Variants in FOXP1 observed in about 807,000 individuals in gnomAD.
FOXP1 encodes forkhead box P1.
In FOXP1, 15 loss-of-function variants were observed where a neutral mutation model predicts 98.2. The ratio of observed to expected loss-of-function variants is 0.15; its 90% confidence interval spans 0.10 to 0.24. The LOEUF (loss-of-function observed/expected upper bound fraction) is 0.24. Ranked by LOEUF, FOXP1 falls within the 10% of genes least tolerant of loss-of-function variation. FOXP1 has a pLI of 1.00. For synonymous variants in FOXP1, 371 were observed against 314.5 expected, an observed-to-expected ratio of 1.18 and a Z score of -1.90; for missense variants, 633 against 848.5, an observed-to-expected ratio of 0.75 and a Z score of 3.15.
intron 6 of FOXP1, among the ~76,000 whole-genome samples, chr3:71,141,600 AC>A (rs1359758711): frequency 6.6e-6 from 1 of 152,176 alleles, no homozygotes; most frequent in Non-Finnish European, 1.5e-5. Flanking sequence ...CCAATTAAAC[AC>A]ATAATTTTTG....
intron 4 of FOXP1, among the ~76,000 whole-genome samples, chr3:71,350,901 A>C (rs2077733245): frequency 1.3e-5 from 2 of 151,910 alleles, no homozygotes; most frequent in Admixed American, 6.6e-5. Flanking sequence ...AAGGCCATCC[A>C]TGCCTTTAGA....
intron 4 of FOXP1, among the ~76,000 whole-genome samples, chr3:71,314,470 G>C (rs2074930485): frequency 6.6e-6 from 1 of 151,718 alleles, no homozygotes; most frequent in Non-Finnish European, 1.5e-5. Context: ...GGAGATTGCA[G>C]TGAGCCGAGA....
intron 1 of FOXP1, chr3:71,582,259 G>C (rs1388145293): frequency 4.1e-6 from 4 of 985,072 alleles, no homozygotes; most frequent in African/African-American, 3.5e-5. Context: ...AGGAATCTAA[G>C]TTTCCGAGCG....
At chr3:71,156,470 G>A (rs2060828535) in intron 6 of FOXP1, among the ~76,000 whole-genome samples, 1 of 151,322 alleles carries the variant, frequency 6.6e-6, no homozygotes, top group Non-Finnish European at 1.5e-5. Flanking sequence ...AGAGGGGAAA[G>A]CCTTTCCAAA....
intron 2 of FOXP1, among the ~76,000 whole-genome samples, chr3:71,565,710 A>C (rs959476849): frequency 3.9e-5 from 6 of 152,246 alleles, no homozygotes; most frequent in Non-Finnish European, 8.8e-5. Flanking sequence ...CCATCTATTT[A>C]GTAAATAAAA....
chr3:71,413,290 A>ACACACATACACC (rs371166757), intron 3 of FOXP1, among the ~76,000 whole-genome samples: 1 of 138,526 alleles, frequency 7.2e-6, no homozygotes, highest in Non-Finnish European at 1.5e-5. Flanking sequence ...ACACACACAC[A>ACACACATACACC]CCCAAAACAG....
rs571788889 is a variant in FOXP1, at chr3:71,256,155, A to C, written c.-12+43665T>G. On this transcript the variant is annotated intron_variant, in intron 5 of 20. Coordinates refer to ENST00000649528, the MANE Select transcript of FOXP1 (RefSeq NM_001349338.3). Reference sequence around the variant, plus strand: ...CATCCAAGGTAAAGGCAGGCTCATCAAACTTGCTGTGATGCAAAGCTGGAA... The same window carrying C: ...CATCCAAGGTAAAGGCAGGCTCATCCAACTTGCTGTGATGCAAAGCTGGAA... Among the ~76,000 whole-genome samples the C allele has an allele frequency of 4.6e-5, 7 of 152,330 alleles. No homozygotes were observed. The South Asian group carries it at 1.5e-3, about 32-fold the overall frequency.
intron 2 of FOXP1, among the ~76,000 whole-genome samples, chr3:71,503,024 A>G (rs1358998270): frequency 6.6e-6 from 1 of 152,088 alleles, no homozygotes; most frequent in Non-Finnish European, 1.5e-5. Flanking sequence ...GTAAAACTGA[A>G]AAGCCTTCCA....
intron 1 of FOXP1, among the ~76,000 whole-genome samples, chr3:71,583,202 C>T (rs956020430): frequency 6.6e-6 from 1 of 152,030 alleles, no homozygotes; most frequent in Admixed American, 6.5e-5. Context: ...CGTGAAGGGG[C>T]CTACGGGCAG....
rs151195943 is a variant in FOXP1 at position 71,376,531 on chromosome 3, A to T, written c.-167-17287T>A. Among the ~76,000 whole-genome samples the T allele has an allele frequency of 3.8e-3, 583 of 152,316 alleles. 2 individuals are homozygous for T. The highest frequency in any genetic ancestry group is 6.1e-3 in the Non-Finnish European group (418 of 68,016). On this transcript the variant is annotated intron_variant, in intron 3 of 20. Coordinates refer to ENST00000649528, the MANE Select transcript of FOXP1 (RefSeq NM_001349338.3). ...AGATGAGAACAAAGATCTGGTTTCA[A>T]ATTCTGGCTTATTCATTTAGTAGAA...
intron 4 of FOXP1, among the ~76,000 whole-genome samples, chr3:71,350,138 A>G (rs567653705): frequency 6.6e-6 from 1 of 152,336 alleles, no homozygotes; most frequent in East Asian, 1.9e-4. Flanking sequence ...TCAGGATATT[A>G]TTCCCACCAC....
intron 3 of FOXP1, among the ~76,000 whole-genome samples, chr3:71,360,159 A>C (rs536282808): frequency 6.6e-6 from 1 of 152,334 alleles, no homozygotes; most frequent in South Asian, 2.1e-4. Context: ...AGAAATAAGA[A>C]AAAGAAGATC....
chr3:70,990,572 G>A (rs1467881391), intron 13 of FOXP1, among the ~76,000 whole-genome samples: 1 of 152,138 alleles, frequency 6.6e-6, no homozygotes, highest in Non-Finnish European at 1.5e-5. Flanking sequence ...TGAATTCCAT[G>A]AAAAGCAAAG....
At chr3:71,413,385 C>T (rs1045206233) in intron 3 of FOXP1, among the ~76,000 whole-genome samples, 3 of 151,320 alleles carry the variant, frequency 2.0e-5, no homozygotes, top group African/African-American at 7.3e-5. Flanking sequence ...ATGATACATA[C>T]CTACATTAAT....
At chr3:71,379,777 A>G (rs746478021) in intron 3 of FOXP1, among the ~76,000 whole-genome samples, 9 of 152,224 alleles carry the variant, frequency 5.9e-5, no homozygotes, top group Non-Finnish European at 1.2e-4. Flanking sequence ...AGTGGTTGCA[A>G]CAAAGACCAG....
chr3:71,027,585 T>A (rs1330925025), intron 11 of FOXP1, among the ~76,000 whole-genome samples: 1 of 152,206 alleles, frequency 6.6e-6, no homozygotes, highest in Non-Finnish European at 1.5e-5. Context: ...ATTAAACACC[T>A]ACTTTGTGAT....
At chr3:71,289,158 A>G (rs1241293357) in intron 5 of FOXP1, among the ~76,000 whole-genome samples, 1 of 152,072 alleles carries the variant, frequency 6.6e-6, no homozygotes, top group East Asian at 1.9e-4. Context: ...CTCCTGCCTC[A>G]GCCTCCTGAG....
At chr3:71,528,821 G>C (rs142303789) in intron 2 of FOXP1, among the ~76,000 whole-genome samples, 70 of 152,340 alleles carry the variant, frequency 4.6e-4, no homozygotes, top group African/African-American at 1.6e-3. Flanking sequence ...GCTTTGGCCT[G>C]AAGGTGGGGG....
At chr3:71,084,721 T>C (rs899386187) in intron 7 of FOXP1, among the ~76,000 whole-genome samples, 1 of 152,180 alleles carries the variant, frequency 6.6e-6, no homozygotes, top group African/African-American at 2.4e-5. Context: ...TTCTCCTAAA[T>C]AAAATGATTT....
Sources: gnomAD v4.1 joint callset for allele counts (sites outside exome capture counted in the v4.1 genomes callset) on GRCh38, gnomAD v4.1.1 for gene constraint, MANE v1.5 for transcripts, NCBI Gene and HGNC (gene_info 2026-07-23, HGNC 2026-07-21) for gene names.